WWOX: variants seen among roughly 807,000 people sequenced by gnomAD.
WWOX encodes the protein WW domain-containing oxidoreductase.
Under a neutral mutation model 46.2 loss-of-function variants are expected in WWOX, and 69 were observed. That is an observed-to-expected ratio of 1.49 (90% CI 1.23 to 1.82). The LOEUF is 1.82. Ranked by LOEUF, WWOX falls within the 40% of genes most tolerant of loss-of-function variation. The probability of loss-of-function intolerance (pLI) is 0.00; values close to 1 mark genes in which losing one functional copy is unlikely to be tolerated. For synonymous variants in WWOX, 359 were observed against 202.6 expected (o/e 1.77, Z -6.56); for missense variants, 919 against 542.6 (o/e 1.69, Z -6.89).
chr16:78,183,648 C>T (rs1218372135), intron 5 of WWOX, among the ~76,000 whole-genome samples: 1 of 152,160 alleles, frequency 6.6e-6, no homozygotes, highest in Non-Finnish European at 1.5e-5. Context: ...TCAGTAACAC[C>T]TGCCAAGTAC....
intron 8 of WWOX, among the ~76,000 whole-genome samples, chr16:78,523,043 G>A (rs1203497276): frequency 2.0e-5 from 3 of 152,206 alleles, no homozygotes; most frequent in Admixed American, 6.5e-5. Context: ...CTGCCCTCCA[G>A]TCTGGGTGAC....
At chr16:78,747,161 G>A (rs1307713123) in intron 8 of WWOX, among the ~76,000 whole-genome samples, 4 of 151,286 alleles carry the variant, frequency 2.6e-5, no homozygotes, top group African/African-American at 7.3e-5. Flanking sequence ...TTTTGCCTGG[G>A]AAGAGTGGTG....
chr16:78,905,279 C>T (rs1046474613), intron 8 of WWOX, among the ~76,000 whole-genome samples: 1 of 152,120 alleles, frequency 6.6e-6, no homozygotes, highest in Admixed American at 6.5e-5. Context: ...GTATATTGAG[C>T]CCACACATAT....
At chr16:78,275,407 T>C (rs974280794) in intron 5 of WWOX, among the ~76,000 whole-genome samples, 2 of 152,222 alleles carry the variant, frequency 1.3e-5, no homozygotes, top group African/African-American at 4.8e-5. Context: ...CCCCTATTAA[T>C]TTATACCTGG....
At chr16:78,725,451 G>A (rs958877064) in intron 8 of WWOX, among the ~76,000 whole-genome samples, 10 of 141,190 alleles carry the variant, frequency 7.1e-5, no homozygotes, top group Admixed American at 3.1e-4. Flanking sequence ...GGATTTAAGC[G>A]ATTCTCCTGC....
chr16:78,781,499 G>T (rs1298776210), intron 8 of WWOX, among the ~76,000 whole-genome samples: 1 of 152,128 alleles, frequency 6.6e-6, no homozygotes, highest in Non-Finnish European at 1.5e-5. Context: ...GCATTACTAG[G>T]TATAGACATT....
intron 5 of WWOX, among the ~76,000 whole-genome samples, chr16:78,307,376 A>T (rs2080153979): frequency 6.6e-6 from 1 of 152,148 alleles, no homozygotes; most frequent in African/African-American, 2.4e-5. Context: ...AAATGGGGAG[A>T]TGAACCTGAA....
At chr16:78,293,994 A>AC (rs1416216473) in intron 5 of WWOX, among the ~76,000 whole-genome samples, 13 of 148,842 alleles carry the variant, frequency 8.7e-5, no homozygotes, top group East Asian at 2.0e-4. Flanking sequence ...AAAAAAAAAA[A>AC]AAAAAAAAAA....
intron 5 of WWOX, among the ~76,000 whole-genome samples, chr16:78,195,935 A>G (rs907608450): frequency 4.0e-5 from 6 of 151,672 alleles, no homozygotes; most frequent in African/African-American, 1.5e-4. Context: ...CGCACTTCCT[A>G]TTTTTTGAGC....
At chr16:79,134,928 T>C (rs2049954339) in intron 8 of WWOX, among the ~76,000 whole-genome samples, 1 of 152,176 alleles carries the variant, frequency 6.6e-6, no homozygotes, top group Admixed American at 6.5e-5. Flanking sequence ...CCACCAATAA[T>C]GAGTTCCAAA....
chr16:78,648,029 C>G (rs2046883586), intron 8 of WWOX, among the ~76,000 whole-genome samples: 1 of 152,194 alleles, frequency 6.6e-6, no homozygotes, highest in South Asian at 2.1e-4. Flanking sequence ...TGAACCCTCC[C>G]TATCTGTACC....
intron 8 of WWOX, among the ~76,000 whole-genome samples, chr16:78,988,440 A>T (rs1162199730): frequency 6.6e-6 from 1 of 152,068 alleles, no homozygotes; most frequent in Non-Finnish European, 1.5e-5. Context: ...GAGAGGGAGC[A>T]GATACTGGAG....
At chr16:78,114,827 A>G (rs981427373) in intron 3 of WWOX, 149 bp from the exon 4 acceptor site, 1 of 953,018 alleles carries the variant, frequency 1.0e-6, no homozygotes, top group Admixed American at 2.6e-5. Flanking sequence ...AGGCCAGAAG[A>G]TAGATTCAGT....
chr16:78,651,371 C>A (rs1056525704), intron 8 of WWOX, among the ~76,000 whole-genome samples: 2 of 152,184 alleles, frequency 1.3e-5, no homozygotes, highest in African/African-American at 4.8e-5. Flanking sequence ...TCTTAAATAT[C>A]TGTGGATGTC....
chr16:78,784,171 A>G (rs2050399205), intron 8 of WWOX, among the ~76,000 whole-genome samples: 1 of 152,160 alleles, frequency 6.6e-6, no homozygotes, highest in African/African-American at 2.4e-5. Flanking sequence ...TGCTTTTCCC[A>G]TGTAACGTGC....
At chr16:78,674,201 G>A (rs1257124029) in intron 8 of WWOX, among the ~76,000 whole-genome samples, 1 of 151,774 alleles carries the variant, frequency 6.6e-6, no homozygotes, top group Non-Finnish European at 1.5e-5. Flanking sequence ...GAACACTTGT[G>A]ACAGAGGGAG....
At chr16:79,153,719 T>C (rs1270790325) in intron 8 of WWOX, among the ~76,000 whole-genome samples, 1 of 152,252 alleles carries the variant, frequency 6.6e-6, no homozygotes, top group East Asian at 1.9e-4. Flanking sequence ...CATTTAAAGG[T>C]TAGTGAAAGC....
At chr16:78,389,095 G>C (rs936118689) in intron 6 of WWOX, among the ~76,000 whole-genome samples, 2 of 152,188 alleles carry the variant, frequency 1.3e-5, no homozygotes, top group Admixed American at 6.5e-5. Flanking sequence ...ACCCCAAGCT[G>C]GCTTGTAGGA....
intron 8 of WWOX, among the ~76,000 whole-genome samples, chr16:78,644,609 C>A (rs368421270): frequency 3.9e-5 from 6 of 152,034 alleles, no homozygotes; most frequent in African/African-American, 1.5e-4. Context: ...TTACAGGAGC[C>A]TGCCACCACG....
Sources: allele counts gnomAD v4.1 joint callset (sites outside exome capture counted in the v4.1 genomes callset), GRCh38; gene constraint gnomAD v4.1.1; transcripts MANE v1.5; gene names NCBI Gene and HGNC (gene_info 2026-07-23, HGNC 2026-07-21).